Variants in ARB2A observed in about 807,000 individuals in gnomAD.
The protein encoded by ARB2A is cotranscriptional regulator ARB2A.
chr5:93,648,011 T>C, the ARB2A span, among the ~76,000 whole-genome samples: 1 of 151,838 alleles, frequency 6.6e-6, no homozygotes, highest in Admixed American at 6.6e-5. Context: ...GGTGTGGTGG[T>C]GCACACCTGT....
chr5:94,045,380 T>C, the ARB2A span, among the ~76,000 whole-genome samples: 6 of 152,254 alleles, frequency 3.9e-5, no homozygotes, highest in African/African-American at 1.2e-4. Context: ...AAGAACGCTC[T>C]CTTGGGGTCT....
chr5:93,918,112 T>C, the ARB2A span, among the ~76,000 whole-genome samples: 2 of 152,296 alleles, frequency 1.3e-5, no homozygotes, highest in East Asian at 1.9e-4. Flanking sequence ...TAAGTTTATA[T>C]AAAAATAATC....
the ARB2A span, among the ~76,000 whole-genome samples, chr5:93,850,233 G>A: frequency 2.2e-4 from 34 of 152,178 alleles, no homozygotes; most frequent in African/African-American, 8.2e-4. Context: ...TAGATCTTAG[G>A]CCTAAAACAT....
chr5:93,967,454 GAGAC>G, the ARB2A span, among the ~76,000 whole-genome samples: 1 of 152,138 alleles, frequency 6.6e-6, no homozygotes, highest in African/African-American at 2.4e-5. Flanking sequence ...AAAATGGAGA[GAGAC>G]AGACAAGCAG....
the ARB2A span, among the ~76,000 whole-genome samples, chr5:93,966,715 A>G: frequency 6.6e-6 from 1 of 152,028 alleles, no homozygotes; most frequent in Non-Finnish European, 1.5e-5. Context: ...TACAGATCAC[A>G]TGTCAACTCC....
chr5:93,769,907 T>C, the ARB2A span, among the ~76,000 whole-genome samples: 1 of 152,172 alleles, frequency 6.6e-6, no homozygotes, highest in African/African-American at 2.4e-5. Flanking sequence ...TTACACTCAG[T>C]AGCAAGTTCT....
At chr5:93,881,102 C>A in the ARB2A span, among the ~76,000 whole-genome samples, 1 of 151,572 alleles carries the variant, frequency 6.6e-6, no homozygotes, top group Non-Finnish European at 1.5e-5. Context: ...GACAACATAA[C>A]GGCATGTTAT....
chr5:93,897,429 T>C, the ARB2A span, among the ~76,000 whole-genome samples: 16,017 of 151,838 alleles, frequency 0.11, 963 homozygotes, highest in Middle Eastern at 0.16. Context: ...GGAGAAAATA[T>C]AATTGTACTT....
At chr5:93,944,534 C>T in the ARB2A span, among the ~76,000 whole-genome samples, 168 of 150,930 alleles carry the variant, frequency 1.1e-3, no homozygotes, top group African/African-American at 3.9e-3. Flanking sequence ...CAGTGAGTCA[C>T]GATCATGCCA....
the ARB2A span, among the ~76,000 whole-genome samples, chr5:93,957,788 T>G: frequency 6.6e-6 from 1 of 152,068 alleles, no homozygotes; most frequent in South Asian, 2.1e-4. Flanking sequence ...TACCTTTGAC[T>G]TTTGTAATCA....
At chr5:93,895,795 A>G in the ARB2A span, among the ~76,000 whole-genome samples, 2 of 152,092 alleles carry the variant, frequency 1.3e-5, no homozygotes, top group Non-Finnish European at 2.9e-5. Context: ...ACTAGTTTCC[A>G]TTAAATTTGA....
chr5:94,107,156 C>A, the ARB2A span, among the ~76,000 whole-genome samples: 1 of 152,108 alleles, frequency 6.6e-6, no homozygotes, highest in Non-Finnish European at 1.5e-5. Context: ...TGAAGAAATG[C>A]TTTGCTTTGA....
At chr5:93,620,803 T>TA in the ARB2A span, 1 of 681,404 alleles carries the variant, frequency 1.5e-6, no homozygotes, top group East Asian at 3.4e-5. Flanking sequence ...AGTGAACCCA[T>TA]ATTGCTTTGA....
chr5:93,717,638 T>A, the ARB2A span, among the ~76,000 whole-genome samples: 1 of 152,226 alleles, frequency 6.6e-6, no homozygotes, highest in Non-Finnish European at 1.5e-5. Flanking sequence ...GAAAAAAGTA[T>A]GTTACTGATG....
the ARB2A span, among the ~76,000 whole-genome samples, chr5:93,821,103 C>T: frequency 5.3e-5 from 8 of 151,972 alleles, no homozygotes; most frequent in East Asian, 1.9e-4. Context: ...TCTCACTTTT[C>T]GAAAACAACA....
chr5:94,087,518 TAA>T, the ARB2A span, among the ~76,000 whole-genome samples: 4 of 152,198 alleles, frequency 2.6e-5, no homozygotes, highest in African/African-American at 9.7e-5. Flanking sequence ...TACTGTAAAG[TAA>T]AAAAGTTACA....
the ARB2A span, among the ~76,000 whole-genome samples, chr5:93,851,281 C>T: frequency 3.4e-3 from 525 of 152,182 alleles, 2 homozygotes; most frequent in Non-Finnish European, 5.5e-3. Context: ...ATCATGGCCT[C>T]CTGCCTATTT....
chr5:93,923,586 C>T, the ARB2A span, among the ~76,000 whole-genome samples: 3 of 152,072 alleles, frequency 2.0e-5, no homozygotes, highest in East Asian at 5.8e-4. Context: ...CTCTGAGAGG[C>T]ACTGTTTGAG....
the ARB2A span, among the ~76,000 whole-genome samples, chr5:93,836,964 T>G: frequency 5.3e-5 from 8 of 152,214 alleles, no homozygotes; most frequent in Admixed American, 2.0e-4. Context: ...AAGATACTAT[T>G]TGCAGCACTC....
Sources: allele counts gnomAD v4.1 joint callset (sites outside exome capture counted in the v4.1 genomes callset), GRCh38; gene constraint gnomAD v4.1.1; transcripts MANE v1.5; gene names NCBI Gene and HGNC (gene_info 2026-07-23, HGNC 2026-07-21).